The following GSTCD variants were observed in gnomAD, a reference collection of about 807,000 sequenced individuals.
The protein encoded by GSTCD is glutathione S-transferase C-terminal domain-containing protein.
Under a neutral mutation model 68.3 loss-of-function variants are expected in GSTCD, and 44 were observed. The ratio of observed to expected loss-of-function variants is 0.64; its 90% CI spans 0.51 to 0.83. GSTCD has a LOEUF of 0.83. Among genes scored for constraint, GSTCD ranks in the 40% least tolerant of loss-of-function variants. The pLI, the probability that GSTCD is intolerant of heterozygous loss-of-function variation, is 0.00. For missense variants in GSTCD, 739 were observed against 735.9 expected (o/e 1.00, Z -0.05); for synonymous variants, 273 against 255.2 (o/e 1.07, Z -0.67).
intron 1 of GSTCD, chr4:105,711,018 G>A (rs1465615116): frequency 6.6e-6 from 1 of 151,864 alleles, no homozygotes; most frequent in Non-Finnish European, 1.5e-5. Flanking sequence ...TTTTCTTATC[G>A]TTTTTGACCC....
At chr4:105,807,329 C>G (rs977717776) in intron 5 of GSTCD, 4 of 152,036 alleles carry the variant, frequency 2.6e-5, no homozygotes, top group Non-Finnish European at 5.9e-5. Context: ...CAATTATCAC[C>G]TACAGGAAAT....
intron 5 of GSTCD, among the ~76,000 whole-genome samples, chr4:105,792,475 A>C (rs991244363): frequency 1.3e-5 from 2 of 152,098 alleles, no homozygotes; most frequent in African/African-American, 4.8e-5. Flanking sequence ...GGGCACTATT[A>C]GCAGATCAGG....
rs141837157 is a variant in GSTCD at position 105,846,693 on chromosome 4, C to G, written c.*1116C>G. 473 of 117,928 alleles carry G rather than the reference C, an allele frequency of 4.0e-3. 6 individuals are homozygous for G. Among genetic ancestry groups the G allele is most frequent in the African/African-American group, 0.015 (451 of 31,032 alleles). The allele number at this position is 117,928 out of a possible 1,614,324, so 7.3% of individuals were successfully genotyped here. On this transcript the variant is annotated 3_prime_UTR_variant, in exon 12 of 12. Transcript: ENST00000515279. ...CTTTTTTTTTTTTTTTTTTTTGAGA[C>G]AGAGTTTCACTCTTGTTGCCCAGGC...
intron 5 of GSTCD, among the ~76,000 whole-genome samples, chr4:105,736,689 T>A (rs1434367281): frequency 1.3e-5 from 2 of 152,178 alleles, no homozygotes; most frequent in African/African-American, 2.4e-5. Flanking sequence ...CAGGAACATA[T>A]TTTTCTTATC....
intron 5 of GSTCD, among the ~76,000 whole-genome samples, chr4:105,822,268 A>G (rs924471021): frequency 6.6e-6 from 1 of 152,024 alleles, no homozygotes; most frequent in Admixed American, 6.6e-5. Context: ...GAAATGCCCT[A>G]TCCTGAATCT....
At chr4:105,739,862 G>T (rs927178710) in intron 5 of GSTCD, among the ~76,000 whole-genome samples, 7 of 152,162 alleles carry the variant, frequency 4.6e-5, no homozygotes, top group Admixed American at 1.3e-4. Flanking sequence ...ATGACTGAGG[G>T]ATGGAACGGT....
At chr4:105,779,131 C>A (rs1291267807) in intron 5 of GSTCD, among the ~76,000 whole-genome samples, 1 of 152,138 alleles carries the variant, frequency 6.6e-6, no homozygotes, top group Non-Finnish European at 1.5e-5. Flanking sequence ...TCCTTTATAA[C>A]AACAGAAAAA....
intron 5 of GSTCD, among the ~76,000 whole-genome samples, chr4:105,731,205 G>A (rs1272175614): frequency 3.3e-5 from 5 of 152,148 alleles, no homozygotes; most frequent in Admixed American, 3.3e-4. Flanking sequence ...GATTGTCTTG[G>A]CAATGCGGGC....
chr4:105,782,954 CA>C (rs1380454790), intron 5 of GSTCD, among the ~76,000 whole-genome samples: 1 of 152,130 alleles, frequency 6.6e-6, no homozygotes, highest in Non-Finnish European at 1.5e-5. Context: ...GGGCTAAACT[CA>C]AGTAATTTTT....
At chr4:105,782,974 T>C (rs1357859267) in intron 5 of GSTCD, among the ~76,000 whole-genome samples, 1 of 152,218 alleles carries the variant, frequency 6.6e-6, no homozygotes, top group African/African-American at 2.4e-5. Context: ...TTTTCTGTAA[T>C]GTCAAAGTCA....
chr4:105,843,696 C>A (rs1724443235), intron 11 of GSTCD: 1 of 152,188 alleles, frequency 6.6e-6, no homozygotes, highest in South Asian at 2.1e-4. Context: ...ACCCTCTTGG[C>A]CTAATGACCT....
intron 5 of GSTCD, among the ~76,000 whole-genome samples, chr4:105,772,809 T>C (rs1734906446): frequency 2.0e-5 from 3 of 152,222 alleles, no homozygotes; most frequent in Admixed American, 2.0e-4. Context: ...GATATTAGCC[T>C]GAAGTTTTCT....
intron 5 of GSTCD, among the ~76,000 whole-genome samples, chr4:105,756,055 T>A (rs1734176905): frequency 6.6e-6 from 1 of 152,170 alleles, no homozygotes; most frequent in African/African-American, 2.4e-5. Flanking sequence ...ATTTACTGGT[T>A]TATTAATAAA....
At chr4:105,726,105 T>C (rs1164483536) in intron 3 of GSTCD, among the ~76,000 whole-genome samples, 1 of 152,158 alleles carries the variant, frequency 6.6e-6, no homozygotes, top group African/African-American at 2.4e-5. Context: ...TTATTTATAA[T>C]AACCAACAAC....
intron 5 of GSTCD, among the ~76,000 whole-genome samples, chr4:105,766,327 A>G (rs1734605369): frequency 6.6e-6 from 1 of 152,186 alleles, no homozygotes; most frequent in Non-Finnish European, 1.5e-5. Context: ...ACTATGGGAA[A>G]CAAAGAGAAG....
chr4:105,765,684 T>A (rs1734576448), intron 5 of GSTCD, among the ~76,000 whole-genome samples: 1 of 152,202 alleles, frequency 6.6e-6, no homozygotes, highest in Admixed American at 6.5e-5. Flanking sequence ...TGAATTGTAA[T>A]CCAAACTGTA....
intron 5 of GSTCD, among the ~76,000 whole-genome samples, chr4:105,784,657 T>G (rs2149251463): frequency 6.6e-6 from 1 of 152,374 alleles, no homozygotes; most frequent in South Asian, 2.1e-4. Flanking sequence ...TATTCTACAT[T>G]CATTAATTGG....
Position 105,726,828 on chromosome 4 carries a change from A to G in GSTCD, c.1144A>G (p.Met382Val). 6.3e-7 allele frequency: 1 copy of G among 1,588,740 alleles called. No individual in the cohort carries two copies. The highest frequency in any genetic ancestry group is 2.2e-5 in the East Asian group (1 of 44,496). The change falls in exon 4 of 12, where the codon ATG (methionine) becomes GTG (valine). Residue 382 changes from methionine (M) to valine (V), a missense_variant and splice_region_variant. Met to Val is a conservative substitution (Grantham distance 21). Transcript: ENST00000515279. The stretch of plus-strand genomic sequence containing the variant: ...ACCAAGACCAACCATGGCCAAGTTA[A>G]TGGTACTTAATTATTAACATTTTCT... ...GGPRPTMAKL[M>V]EKGIEVMFSP...
chr4:105,800,024 G>T (rs1736046764), intron 5 of GSTCD, among the ~76,000 whole-genome samples: 1 of 152,112 alleles, frequency 6.6e-6, no homozygotes. Flanking sequence ...GGCTTTCACG[G>T]AAGATTATTA....
Sources: gnomAD v4.1 joint callset for allele counts (sites outside exome capture counted in the v4.1 genomes callset) on GRCh38, gnomAD v4.1.1 for gene constraint, MANE v1.5 for transcripts, NCBI Gene and HGNC (gene_info 2026-07-23, HGNC 2026-07-21) for gene names.